The following SUPT20H variants were observed in gnomAD, a reference collection of about 807,000 sequenced individuals.
The protein encoded by SUPT20H is transcription factor SPT20 homolog.
Under a neutral mutation model 122.8 loss-of-function variants are expected in SUPT20H, and 82 were observed. The observed-to-expected ratio is 0.67, with a 90% confidence interval of 0.56 to 0.80. The LOEUF (loss-of-function observed/expected upper bound fraction) is 0.80. Ranked by LOEUF, SUPT20H falls within the 30% of genes least tolerant of loss-of-function variation. The pLI is 0.00. For synonymous variants in SUPT20H, 291 were observed against 313.0 expected (o/e 0.93, Z 0.74); for missense variants, 831 against 921.6 (o/e 0.90, Z 1.27).
At chr13:37,013,565 C>G (rs376451564) in intron 23 of SUPT20H, 2 of 151,632 alleles carry the variant, frequency 1.3e-5, no homozygotes, top group East Asian at 3.9e-4. Context: ...TCTTTGGGAC[C>G]TAGAGCTAGG....
At chr13:37,021,407 C>G in intron 21 of SUPT20H, 41 bp downstream of exon 21, 2 of 1,539,060 alleles carry the variant, frequency 1.3e-6, no homozygotes, top group Non-Finnish European at 1.8e-6. Flanking sequence ...TTAGCATATA[C>G]TTTAATTTTT....
At chr13:37,030,740 A>G (rs1199559432) in intron 12 of SUPT20H, among the ~76,000 whole-genome samples, 1 of 152,202 alleles carries the variant, frequency 6.6e-6, no homozygotes, top group East Asian at 1.9e-4. Flanking sequence ...CTCCAAAGCT[A>G]AATTCCACCC....
intron 23 of SUPT20H, chr13:37,013,910 A>C (rs1246949172): frequency 6.6e-6 from 1 of 152,066 alleles, no homozygotes; most frequent in African/African-American, 2.4e-5. Context: ...ATGATAAAAC[A>C]AACAAAAAAA....
At chr13:37,040,717 G>A (rs375064451) in intron 7 of SUPT20H, 25 bp from the exon 8 acceptor site, 39 of 1,572,966 alleles carry the variant, frequency 2.5e-5, no homozygotes, top group African/African-American at 9.5e-5. Context: ...ATACGTAAAC[G>A]TCATTTTTTT....
Position 37,022,563 on chromosome 13 carries a change from CA to C in SUPT20H, c.1592-484del. ...CTATTGCAGTAACAGTAAAAATATA[CA>C]GTTATATTCTACCACAATACCCATT... On this transcript the variant is annotated intron_variant, in intron 19 of 25. Transcript: ENST00000350612. This position sits in a 1 kb window ranked among gnomAD's most constrained non-coding sequence, Gnocchi z 4.5. 8.4e-7 allele frequency: 1 copy of C among 1,188,296 alleles called. No individual in the cohort carries two copies. Among genetic ancestry groups the C allele is most frequent in the Non-Finnish European group, 1.0e-6 (1 of 960,784 alleles). The allele number at this position is 1,188,296 out of a possible 1,614,324, so 73.6% of individuals were successfully genotyped here. A position where few individuals can be genotyped will look rare whatever the true frequency, so the allele number is the denominator to read the frequency against.
intron 1 of SUPT20H, among the ~76,000 whole-genome samples, chr13:37,058,067 C>A (rs923243438): frequency 5.3e-5 from 8 of 151,288 alleles, no homozygotes; most frequent in Admixed American, 2.0e-4. Context: ...AATTCGAGAC[C>A]AGCCTGACCA....
chr13:37,022,315 A>T lies in SUPT20H; in HGVS notation c.1592-235T>A. The T allele has an allele frequency of 7.5e-7, 1 of 1,332,264 alleles. No homozygotes were observed. The highest frequency in any genetic ancestry group is 9.6e-7 in the Non-Finnish European group (1 of 1,039,340). The allele number at this position is 1,332,264 out of a possible 1,614,324, so 82.5% of individuals were successfully genotyped here. ...GGAGTAGATGGCTTAGGAGTTCCAG[A>T]TCCTGCTCATTGAGAAAAATAAAAA... On this transcript the variant is annotated intron_variant, in intron 19 of 25. Transcript: ENST00000350612. The surrounding 1 kb of genome is among the most constrained non-coding windows in gnomAD (Gnocchi z 4.5).
At chr13:37,047,249 G>T in intron 5 of SUPT20H, 3 of 182,632 alleles carry the variant, frequency 1.6e-5, no homozygotes, top group South Asian at 3.0e-4. Flanking sequence ...CACTTCTCGG[G>T]GGAAGAAGAA....
chr13:37,040,652 C>T lies in SUPT20H; in HGVS notation c.437G>A (p.Arg146His), dbSNP rs201031824. Residue 146 changes from arginine (R) to histidine (H), a missense_variant, in exon 8 of 26, where the codon CGT (arginine) becomes CAT (histidine). Arg to His is a conservative substitution (Grantham distance 29, BLOSUM62 0). Transcript: ENST00000350612. ...CATGTTACTGGACTGCCTGTAGTCA[C>T]GTATTTCTGCTATGACACATCCGCA... Reference protein sequence around the residue: ...FHCGCVIAEIRDYRQSSNMKS... With the variant: ...FHCGCVIAEIHDYRQSSNMKS... The T allele has an allele frequency of 5.1e-5, 83 of 1,613,862 alleles. No individual in the cohort carries two copies. The highest frequency in any genetic ancestry group is 6.4e-5 in the Non-Finnish European group (76 of 1,179,918).
At chr13:37,051,173 A>G (rs147347705) in intron 2 of SUPT20H, among the ~76,000 whole-genome samples, 2 of 152,322 alleles carry the variant, frequency 1.3e-5, no homozygotes, top group African/African-American at 4.8e-5. Flanking sequence ...TATACTCCCC[A>G]AAACTATTTG....
chr13:37,051,386 C>T, intron 2 of SUPT20H, 102 bp downstream of exon 2: 1 of 1,264,522 alleles, frequency 7.9e-7, no homozygotes. Context: ...ACCTGTACAG[C>T]TTACAAGAGT....
In SUPT20H at chr13:37,022,456, T is replaced by C; in HGVS notation, c.1592-376A>G. 7.7e-7 allele frequency: 1 copy of C among 1,303,916 alleles called. No homozygotes were observed. Among genetic ancestry groups the C allele is most frequent in the East Asian group, 2.8e-5 (1 of 35,250 alleles). 80.8% of individuals were successfully genotyped at this position (1,303,916 alleles called of 1,614,324 possible). A position where few individuals can be genotyped will look rare whatever the true frequency, so the allele number is the denominator to read the frequency against. On this transcript the variant is annotated intron_variant, in intron 19 of 25. Transcript: ENST00000350612. This position sits in a 1 kb window ranked among gnomAD's most constrained non-coding sequence, Gnocchi z 4.5. ...TTAGCAGTTAACTGCAAGTGTTAAT[T>C]TCTACACATGATACATGAGTGTTGC...
chr13:37,054,941 G>A (rs376793070), intron 1 of SUPT20H, among the ~76,000 whole-genome samples: 16 of 152,224 alleles, frequency 1.1e-4, no homozygotes, highest in Non-Finnish European at 2.2e-4. Context: ...AAATCAATGT[G>A]CAAAAATCAC....
chr13:37,054,173 G>A (rs1231735012), intron 1 of SUPT20H, among the ~76,000 whole-genome samples: 14 of 152,124 alleles, frequency 9.2e-5, no homozygotes, highest in African/African-American at 1.2e-4. Context: ...ATTCACAGCC[G>A]AATTCTACCA....
At chr13:37,011,820 C>T (rs912362704) in intron 24 of SUPT20H, among the ~76,000 whole-genome samples, 2 of 151,914 alleles carry the variant, frequency 1.3e-5, no homozygotes, top group African/African-American at 2.4e-5. Context: ...GTTACCAGAA[C>T]GAGACAAAAG....
At chr13:37,054,955 C>G (rs1182982302) in intron 1 of SUPT20H, among the ~76,000 whole-genome samples, 1 of 152,212 alleles carries the variant, frequency 6.6e-6, no homozygotes, top group Admixed American at 6.5e-5. Context: ...AAATCACAAG[C>G]ATTCTTATAC....
At chr13:37,042,486 A>T (rs2065665133) in intron 7 of SUPT20H, among the ~76,000 whole-genome samples, 1 of 152,188 alleles carries the variant, frequency 6.6e-6, no homozygotes, top group South Asian at 2.1e-4. Context: ...TTATGGATGG[A>T]ACAGGGATTA....
At chr13:37,030,186 T>G (rs1354892837) in intron 12 of SUPT20H, among the ~76,000 whole-genome samples, 1 of 152,232 alleles carries the variant, frequency 6.6e-6, no homozygotes, top group Admixed American at 6.5e-5. Flanking sequence ...AGGATAAAGA[T>G]CTTTTCCTTT....
intron 9 of SUPT20H, chr13:37,038,720 G>A (rs932913896): frequency 6.6e-6 from 1 of 152,140 alleles, no homozygotes; most frequent in Non-Finnish European, 1.5e-5. Context: ...TGAAAAATGA[G>A]TATTAAGAAA....
Sources: allele counts gnomAD v4.1 joint callset (sites outside exome capture counted in the v4.1 genomes callset), GRCh38; gene constraint gnomAD v4.1.1; non-coding constraint Gnocchi (gnomAD v3.1); transcripts MANE v1.5; gene names NCBI Gene and HGNC (gene_info 2026-07-23, HGNC 2026-07-21).